The following FMN2 variants were observed in gnomAD, a reference collection of about 807,000 sequenced individuals.
FMN2 encodes the protein formin-2.
FMN2 carries 51 observed loss-of-function variants against 142.3 expected under a neutral mutation model. The observed-to-expected ratio is 0.36, with a 90% CI of 0.29 to 0.45. The LOEUF (loss-of-function observed/expected upper bound fraction) is 0.45. Among genes scored for constraint, FMN2 ranks in the 20% least tolerant of loss-of-function variants. The pLI is 1.00. For missense variants in FMN2, 1,936 were observed against 2,122.8 expected (o/e 0.91, Z 1.73); for synonymous variants, 882 against 869.8 (o/e 1.01, Z -0.25).
At chr1:240,342,221 C>T (rs1267313571) in intron 13 of FMN2, among the ~76,000 whole-genome samples, 2 of 152,186 alleles carry the variant, frequency 1.3e-5, no homozygotes, top group Admixed American at 6.5e-5. Flanking sequence ...CCGTTCACTG[C>T]TCTGTGTTTT....
chr1:240,267,254 C>T (rs1668845218), intron 7 of FMN2, among the ~76,000 whole-genome samples: 1 of 151,538 alleles, frequency 6.6e-6, no homozygotes, highest in South Asian at 2.1e-4. Context: ...AACAATTCAA[C>T]AAGCAAAAAA....
At position 240,092,843 on chromosome 1, in the gene FMN2, C is replaced by T. The variant is rs769499457; in HGVS notation, c.734C>T (p.Ala245Val). Residue 245 changes from alanine (A) to valine (V), a missense_variant, in exon 1 of 18, where the codon GCC becomes GTC. Coordinates refer to ENST00000319653, the MANE Select transcript of FMN2 (RefSeq NM_020066.5). ...ACTGCCGTCTCCCCTCAGCCCGGGGCCTTCCTGGGCCTGGACCGGTTCCTG... is the reference window on the plus strand; with the variant it reads ...ACTGCCGTCTCCCCTCAGCCCGGGGTCTTCCTGGGCCTGGACCGGTTCCTG... ...PPTAVSPQPG[A>V]FLGLDRFLLG... 1.2e-5 allele frequency: 19 copies of T among 1,553,044 alleles called. No individual in the cohort carries two copies. Among genetic ancestry groups the T allele is most frequent in the Non-Finnish European group, 1.5e-5 (17 of 1,151,530 alleles).
chr1:240,093,501 C>A lies in FMN2; in HGVS notation c.1392C>A (p.Ala464=). ...GAACTGCCCTGGCCTCCGTAGCCGC[C>A]CCGGCCAAGAAGCACCGGGCCGACG... The part of the protein sequence containing the change: ...GSRTALASVA[A]PAKKHRADGG... Residue 464 remains alanine (A), a synonymous_variant, in exon 1 of 18, where the codon GCC becomes GCA. Transcript: ENST00000319653. The A allele has an allele frequency of 1.3e-6, 2 of 1,596,722 alleles. No homozygotes were observed. Among genetic ancestry groups the A allele is most frequent in the South Asian group, 1.1e-5 (1 of 89,118 alleles).
intron 2 of FMN2, among the ~76,000 whole-genome samples, chr1:240,155,208 T>C (rs1010730962): frequency 2.0e-5 from 3 of 152,072 alleles, no homozygotes. Flanking sequence ...TTGCTTTCGA[T>C]GAAGATGATT....
chr1:240,142,384 G>T (rs1214243372), intron 2 of FMN2, among the ~76,000 whole-genome samples: 2 of 152,166 alleles, frequency 1.3e-5, no homozygotes, highest in Admixed American at 1.3e-4. Flanking sequence ...AATATTAATT[G>T]TATTTTGATT....
intron 1 of FMN2, among the ~76,000 whole-genome samples, chr1:240,105,579 T>C (rs1661576506): frequency 6.6e-6 from 1 of 152,210 alleles, no homozygotes; most frequent in African/African-American, 2.4e-5. Flanking sequence ...ATTCAGATCA[T>C]CTTTTATTCA....
intron 7 of FMN2, among the ~76,000 whole-genome samples, 154 bp downstream of exon 7, chr1:240,258,186 G>T (rs1572125552): frequency 6.6e-6 from 1 of 152,144 alleles, no homozygotes. Context: ...TCCCATGATT[G>T]TTTCTGGAAG....
chr1:240,469,488 C>T (rs1348276958), intron 16 of FMN2, among the ~76,000 whole-genome samples: 1 of 152,164 alleles, frequency 6.6e-6, no homozygotes, highest in Non-Finnish European at 1.5e-5. Context: ...CCAGTTGGAA[C>T]TCTTGCCTCC....
At chr1:240,465,302 C>A (rs1676575904) in intron 16 of FMN2, among the ~76,000 whole-genome samples, 1 of 149,896 alleles carries the variant, frequency 6.7e-6, no homozygotes, top group Non-Finnish European at 1.5e-5. Context: ...TCTCTCCTCC[C>A]CACACACTCC....
intron 7 of FMN2, among the ~76,000 whole-genome samples, chr1:240,266,641 T>C (rs745306404): frequency 2.6e-5 from 4 of 152,122 alleles, no homozygotes; most frequent in African/African-American, 4.8e-5. Flanking sequence ...ATTCTAAATC[T>C]TTGCTATTGT....
chr1:240,306,541 G>A (rs999123203), intron 8 of FMN2, among the ~76,000 whole-genome samples: 1 of 152,172 alleles, frequency 6.6e-6, no homozygotes, highest in Non-Finnish European at 1.5e-5. Flanking sequence ...TGGAATAACA[G>A]TCTCTAGCTG....
chr1:240,435,793 C>T (rs1388111556), intron 15 of FMN2, among the ~76,000 whole-genome samples: 1 of 152,184 alleles, frequency 6.6e-6, no homozygotes, highest in Non-Finnish European at 1.5e-5. Flanking sequence ...CGTGATAAAA[C>T]TTTCAAAATG....
rs770890040 is a variant in FMN2 at position 240,329,324 on chromosome 1, G to A, written c.4308-15G>A. On this transcript the variant is annotated splice_polypyrimidine_tract_variant and intron_variant, in intron 9 of 17. Coordinates refer to ENST00000319653, the MANE Select transcript of FMN2 (RefSeq NM_020066.5). The stretch of plus-strand genomic sequence containing the variant: ...GAATTATATTTTTCTTCTTAACTTG[G>A]CTTTATTTCCTTAGGTTCCTTTATG... 7 of 1,607,064 alleles carry A rather than the reference G, an allele frequency of 4.4e-6. No individual in the cohort carries two copies. Among genetic ancestry groups the A allele is most frequent in the Non-Finnish European group, 5.9e-6 (7 of 1,178,066 alleles).
intron 16 of FMN2, among the ~76,000 whole-genome samples, chr1:240,461,648 C>T (rs1676455524): frequency 6.6e-6 from 1 of 152,152 alleles, no homozygotes; most frequent in Non-Finnish European, 1.5e-5. Context: ...GACATTTAAG[C>T]CCATGATTTT....
chr1:240,328,005 A>G (rs566680055), intron 8 of FMN2, among the ~76,000 whole-genome samples: 12 of 151,864 alleles, frequency 7.9e-5, no homozygotes, highest in African/African-American at 2.7e-4. Flanking sequence ...AAAATGAGCC[A>G]GGCGTGGTGG....
At chr1:240,418,981 G>A (rs1173378530) in intron 15 of FMN2, among the ~76,000 whole-genome samples, 4 of 152,150 alleles carry the variant, frequency 2.6e-5, no homozygotes, top group African/African-American at 4.8e-5. Flanking sequence ...GGTGGTGGGC[G>A]CCTGTAATCC....
rs1055473723 is a variant in FMN2, at chr1:240,472,214, C to T, written c.5061-158C>T. The T allele has an allele frequency of 1.3e-4, 78 of 593,410 alleles. 1 individual carries two copies. The highest frequency in any genetic ancestry group is 1.1e-3 in the Middle Eastern group (3 of 2,610). 36.8% of individuals were successfully genotyped at this position (593,410 alleles called of 1,614,324 possible). A position where few individuals can be genotyped will look rare whatever the true frequency, so the allele number is the denominator to read the frequency against. On this transcript the variant is annotated intron_variant, in intron 16 of 17. Coordinates refer to ENST00000319653, the MANE Select transcript of FMN2 (RefSeq NM_020066.5). ...GCGTCTGTAGCTGTAACAGTTGAGG[C>T]TTTCAATTCAAATGTCAGATAACAT...
Position 240,224,697 on chromosome 1 carries a change from C to T in FMN2, c.4065+13462C>T, listed in dbSNP as rs143265369. Among the ~76,000 whole-genome samples, 718 of 152,224 alleles carry T rather than the reference C, an allele frequency of 4.7e-3. 7 individuals carry two copies. Among genetic ancestry groups the T allele is most frequent in the African/African-American group, 0.016 (678 of 41,544 alleles). On this transcript the variant is annotated intron_variant, in intron 6 of 17. Coordinates refer to ENST00000319653, the MANE Select transcript of FMN2 (RefSeq NM_020066.5). The stretch of plus-strand genomic sequence containing the variant: ...GTTCAGTCTAGTTCGTGCTGCTCGC[C>T]GCACAGAAAGCCAATCACTGAGATG...
chr1:240,294,287 G>A (rs1669893107), intron 7 of FMN2, among the ~76,000 whole-genome samples: 1 of 152,126 alleles, frequency 6.6e-6, no homozygotes, highest in African/African-American at 2.4e-5. Context: ...GGATTTTTAA[G>A]GTAGGATCTG....
Sources: gnomAD v4.1 joint callset for allele counts (sites outside exome capture counted in the v4.1 genomes callset) on GRCh38, gnomAD v4.1.1 for gene constraint, MANE v1.5 for transcripts, NCBI Gene and HGNC (gene_info 2026-07-23, HGNC 2026-07-21) for gene names.